Variants in GART observed in about 807,000 individuals in gnomAD.
GART encodes phosphoribosylglycinamide formyltransferase, phosphoribosylglycinamide synthetase, phosphoribosylaminoimidazole synthetase, also known as trifunctional purine biosynthetic protein adenosine-3.
A neutral mutation model predicts 107.2 loss-of-function variants in GART; 43 were observed. That is an observed-to-expected ratio of 0.40 (90% CI 0.31 to 0.52). The LOEUF (loss-of-function observed/expected upper bound fraction) is 0.52. GART is among the 20% of genes least tolerant of loss of function. GART has a pLI of 0.52. For missense variants in GART, 1,107 were observed against 1,206.5 expected, an observed-to-expected ratio of 0.92 and a Z score of 1.22; for synonymous variants, 434 against 427.0, an observed-to-expected ratio of 1.02 and a Z score of -0.20.
chr21:33,509,727 G>A, intron 18 of GART, 56 bp downstream of exon 18: 2 of 1,577,490 alleles, frequency 1.3e-6, no homozygotes, highest in Non-Finnish European at 1.7e-6. Context: ...CAAGAGTGCG[G>A]GGAGGAAAGG....
In GART at chr21:33,534,710, G is replaced by C; in HGVS notation, c.285C>G (p.Gly95=). 1.2e-6 allele frequency: 2 copies of C among 1,610,266 alleles called. No homozygotes were observed. The highest frequency in any genetic ancestry group is 8.5e-7 in the Non-Finnish European group (1 of 1,178,332). Residue 95 remains glycine, a synonymous_variant, in exon 4 of 22, where the codon GGC becomes GGG. Coordinates refer to ENST00000381815, the MANE Select transcript of GART (RefSeq NM_000819.5). ...NLRSAGVQCF[G]PTAEAAQLES... ...CTAACTGAGCCGCTTCTGCTGTTGG[G>C]CCAAAGCATTGCACTCCTGCAGACC...
In GART at chr21:33,504,493, A is replaced by G. The variant is rs764358879; in HGVS notation, c.2760T>C (p.Pro920=). ...CATGGGCATTTGAACCCTTAAAAGA[A>G]GGGAGCAAGGATGGGTGGATATTGA... ...KMLNIHPSLL[P]SFKGSNAHEQ... Residue 920 remains proline, a synonymous_variant, in exon 21 of 22, where the codon CCT becomes CCC. Transcript: ENST00000381815. 1.9e-6 allele frequency: 3 copies of G among 1,614,152 alleles called. No homozygotes were observed. The East Asian group carries it at 6.7e-5, about 36-fold the overall frequency.
At chr21:33,513,196 C>T (rs1232768635) in intron 16 of GART, among the ~76,000 whole-genome samples, 1 of 151,494 alleles carries the variant, frequency 6.6e-6, no homozygotes, top group African/African-American at 2.4e-5. Context: ...AACTCCTGAC[C>T]TCAGGGGATC....
intron 6 of GART, 23 bp from the exon 7 acceptor site, chr21:33,530,907 C>A: frequency 6.7e-7 from 1 of 1,503,292 alleles, no homozygotes; most frequent in Non-Finnish European, 8.8e-7. Context: ...CAAAATAGTC[C>A]ATTTATGTTA....
rs1443581574 is a variant in GART at position 33,514,426 on chromosome 21, G to T, written c.2107+2563C>A. On this transcript the variant is annotated intron_variant, in intron 16 of 21. Coordinates refer to ENST00000381815, the MANE Select transcript of GART (RefSeq NM_000819.5). ...TAACTCAAACTATAACTGCTTTCAG[G>T]AATATGGCTATATCACTTTCAGTTT... Among the ~76,000 whole-genome samples the T allele has an allele frequency of 5.3e-5, 8 of 152,220 alleles. No individual in the cohort carries two copies. In the South Asian group the frequency reaches 1.2e-3, roughly 24 times the overall value.
Position 33,505,580 on chromosome 21 carries a change from G to T in GART, c.2706C>A (p.Pro902=). The change falls in exon 20 of 22, where the codon CCC becomes CCA. Residue 902 remains proline (P), a synonymous_variant. Transcript: ENST00000381815. ...GCTTACCATTCCACTTTTGGACAAA[G>T]GGGCCAGAAAGAATTCTCATGAATC... ...LAGFMRILSG[P]FVQKWNGKML... 6.3e-7 allele frequency: 1 copy of T among 1,593,782 alleles called. No individual in the cohort carries two copies. Among genetic ancestry groups the T allele is most frequent in the Non-Finnish European group, 8.5e-7 (1 of 1,173,618 alleles).
At chr21:33,519,933 C>T (rs549728283) in intron 14 of GART, among the ~76,000 whole-genome samples, 5 of 151,240 alleles carry the variant, frequency 3.3e-5, no homozygotes, top group Admixed American at 6.6e-5. Context: ...AAAACTTGGG[C>T]GTATATTATT....
chr21:33,506,345 C>T (rs924976259), intron 18 of GART, among the ~76,000 whole-genome samples: 3 of 152,052 alleles, frequency 2.0e-5, no homozygotes, highest in African/African-American at 4.8e-5. Flanking sequence ...GGTTTCACCA[C>T]GTTGGCCAGG....
intron 2 of GART, among the ~76,000 whole-genome samples, chr21:33,535,913 A>G (rs1393625755): frequency 3.9e-5 from 6 of 152,100 alleles, no homozygotes; most frequent in Non-Finnish European, 8.8e-5. Flanking sequence ...CTGTAATCCC[A>G]ACTACTCAGG....
intron 12 of GART, 97 bp downstream of exon 12, chr21:33,522,091 G>T: frequency 1.1e-6 from 1 of 881,070 alleles, no homozygotes. Context: ...CAGTAACCAA[G>T]CATTGCTTTG....
rs1298184889 is a variant in GART at position 33,504,319 on chromosome 21, GAA to G, written c.2842-6_2842-5del. The G allele has an allele frequency of 1.9e-6, 3 of 1,612,626 alleles. No individual in the cohort carries two copies. Among genetic ancestry groups the G allele is most frequent in the African/African-American group, 1.3e-5 (1 of 74,842 alleles). On this transcript the variant is annotated splice_polypyrimidine_tract_variant and splice_region_variant and intron_variant, in intron 21 of 21. Transcript: ENST00000381815. ...TCTGTCCAGCATCCACATCTTCCTGGAAAAGTAAGCAAAAGTTTTGAACATTA... is the reference window on the plus strand; with the variant it reads ...TCTGTCCAGCATCCACATCTTCCTGGAAGTAAGCAAAAGTTTTGAACATTA...
intron 10 of GART, 39 bp downstream of exon 10, chr21:33,528,128 G>C (rs773098915): frequency 6.3e-6 from 10 of 1,597,846 alleles, no homozygotes; most frequent in Admixed American, 1.7e-5. Flanking sequence ...GCTGGCACTT[G>C]TCACGTTGTA....
At chr21:33,531,622 A>C in intron 5 of GART, 65 bp from the exon 6 acceptor site, 1 of 1,415,012 alleles carries the variant, frequency 7.1e-7, no homozygotes, top group Non-Finnish European at 9.6e-7. Flanking sequence ...TTTGATACTT[A>C]GTTGACTTTT....
chr21:33,507,930 T>A (rs978731309), intron 18 of GART, among the ~76,000 whole-genome samples: 1 of 152,136 alleles, frequency 6.6e-6, no homozygotes, highest in Non-Finnish European at 1.5e-5. Flanking sequence ...AATACCCCAT[T>A]TACAGGGATG....
chr21:33,531,817 A>C, intron 5 of GART: 1 of 415,990 alleles, frequency 2.4e-6, no homozygotes, highest in Non-Finnish European at 4.2e-6. Flanking sequence ...ATCCAGTTTC[A>C]AATAAGGTAT....
intron 10 of GART, among the ~76,000 whole-genome samples, chr21:33,525,704 T>C (rs775510180): frequency 4.6e-5 from 7 of 152,024 alleles, no homozygotes; most frequent in Non-Finnish European, 8.8e-5. Flanking sequence ...TGCAATGTAA[T>C]AGTAATTAGA....
chr21:33,535,370 C>T, intron 2 of GART, 50 bp from the exon 3 acceptor site: 1 of 1,159,524 alleles, frequency 8.6e-7, no homozygotes, highest in Non-Finnish European at 1.2e-6. Flanking sequence ...CAAAAACATT[C>T]CACTTAAGTA....
At chr21:33,517,642 G>GTATTT (rs772727139) in intron 14 of GART, 34 bp from the exon 15 acceptor site, 1 of 1,610,766 alleles carries the variant, frequency 6.2e-7, no homozygotes, top group African/African-American at 1.3e-5. Flanking sequence ...AGAAATCAGA[G>GTATTT]TATTTATAAA....
chr21:33,531,443 A>G (rs1374987639), intron 6 of GART, 46 bp downstream of exon 6: 1 of 1,543,706 alleles, frequency 6.5e-7, no homozygotes, highest in Non-Finnish European at 8.9e-7. Flanking sequence ...AGGTCAGATG[A>G]CAGCTTCTTA....
Sources: allele counts gnomAD v4.1 joint callset (sites outside exome capture counted in the v4.1 genomes callset), GRCh38; gene constraint gnomAD v4.1.1; transcripts MANE v1.5; gene names NCBI Gene and HGNC (gene_info 2026-07-23, HGNC 2026-07-21).